ARNT2: variants seen among roughly 807,000 people sequenced by gnomAD.
ARNT2 encodes ARNT protein 2.
A neutral mutation model predicts 91.7 loss-of-function variants in ARNT2; 36 were observed. The ratio of observed to expected loss-of-function variants is 0.39; its 90% CI spans 0.30 to 0.52. The LOEUF is 0.52. Ranked by LOEUF, ARNT2 falls within the 20% of genes least tolerant of loss-of-function variation. The pLI is 0.72. For synonymous variants in ARNT2, 365 were observed against 347.1 expected, an observed-to-expected ratio of 1.05 and a Z score of -0.57; for missense variants, 775 against 939.3, an observed-to-expected ratio of 0.83 and a Z score of 2.29.
intron 8 of ARNT2, among the ~76,000 whole-genome samples, chr15:80,530,402 C>T (rs772558593): frequency 6.6e-6 from 1 of 152,136 alleles, no homozygotes; most frequent in African/African-American, 2.4e-5. Context: ...GATCTGCTCT[C>T]CCTCACAACA....
Position 80,593,602 on chromosome 15 carries a change from C to T in ARNT2, c.2058C>T (p.Asp686=), listed in dbSNP as rs1395730347. Residue 686 remains aspartate (D), a splice_region_variant and synonymous_variant, in exon 19 of 19, where the codon GAC becomes GAT. Transcript: ENST00000303329. ...CTCTCTTTTCCTCTCCTCTGCAGGA[C>T]ATGCTGCCCATGCCAGGAGATCCAA... The part of the protein sequence containing the change: ...QQPGQTEVFQ[D]MLPMPGDPTQ... 1 of 1,593,530 alleles carries T rather than the reference C, an allele frequency of 6.3e-7. No homozygotes were observed. Among genetic ancestry groups the T allele is most frequent in the Admixed American group, 1.7e-5 (1 of 58,090 alleles).
chr15:80,506,663 AAGG>A (rs1232997241), intron 5 of ARNT2, among the ~76,000 whole-genome samples: 1 of 152,182 alleles, frequency 6.6e-6, no homozygotes, highest in African/African-American at 2.4e-5. Context: ...CGGTCAAAGG[AAGG>A]AGGCTTTATC....
intron 1 of ARNT2, among the ~76,000 whole-genome samples, chr15:80,419,512 G>A (rs998678928): frequency 3.3e-5 from 5 of 152,194 alleles, no homozygotes; most frequent in African/African-American, 1.2e-4. Context: ...GATCTGGAGG[G>A]AGAAGGGAAG....
intron 1 of ARNT2, among the ~76,000 whole-genome samples, chr15:80,432,520 G>T (rs769723489): frequency 6.6e-6 from 1 of 152,180 alleles, no homozygotes; most frequent in Non-Finnish European, 1.5e-5. Context: ...CTCATTTATA[G>T]ACTGTGTCTA....
At chr15:80,534,756 G>A (rs1482869966) in intron 8 of ARNT2, among the ~76,000 whole-genome samples, 3 of 152,204 alleles carry the variant, frequency 2.0e-5, no homozygotes, top group African/African-American at 7.2e-5. Flanking sequence ...ATACTGCAGT[G>A]GACGTCCTCG....
At chr15:80,573,656 T>C (rs1453699826) in intron 12 of ARNT2, among the ~76,000 whole-genome samples, 1 of 152,250 alleles carries the variant, frequency 6.6e-6, no homozygotes, top group African/African-American at 2.4e-5. Flanking sequence ...TGTTCTGTCA[T>C]AGCCATTTGC....
chr15:80,474,491 T>G (rs1416357370), intron 4 of ARNT2, among the ~76,000 whole-genome samples: 2 of 152,226 alleles, frequency 1.3e-5, no homozygotes, highest in African/African-American at 4.8e-5. Flanking sequence ...CTCAGAAATA[T>G]GGAAAGAGAA....
At chr15:80,573,400 A>G (rs1341989944) in intron 12 of ARNT2, among the ~76,000 whole-genome samples, 1 of 152,008 alleles carries the variant, frequency 6.6e-6, no homozygotes, top group African/African-American at 2.4e-5. Flanking sequence ...GCTGGGAGTA[A>G]TGTCTGTTAG....
intron 12 of ARNT2, among the ~76,000 whole-genome samples, chr15:80,571,999 T>C (rs1253734870): frequency 1.3e-5 from 2 of 152,220 alleles, no homozygotes; most frequent in African/African-American, 4.8e-5. Flanking sequence ...TGTCCATTTA[T>C]GGCCACACCT....
chr15:80,521,180 A>C (rs1453546831), intron 8 of ARNT2, among the ~76,000 whole-genome samples: 2 of 152,200 alleles, frequency 1.3e-5, no homozygotes, highest in Non-Finnish European at 2.9e-5. Context: ...TTCTGTTTAG[A>C]AGTAACTCAA....
At chr15:80,456,725 A>C (rs1253662962) in intron 2 of ARNT2, among the ~76,000 whole-genome samples, 2 of 152,114 alleles carry the variant, frequency 1.3e-5, no homozygotes, top group African/African-American at 4.8e-5. Flanking sequence ...CAAGTCACTC[A>C]TTAGCCACTG....
intron 5 of ARNT2, among the ~76,000 whole-genome samples, chr15:80,493,053 G>A (rs766368523): frequency 6.6e-6 from 1 of 152,162 alleles, no homozygotes; most frequent in Admixed American, 6.5e-5. Context: ...CAAGACCATG[G>A]TTCTGACATC....
intron 12 of ARNT2, among the ~76,000 whole-genome samples, chr15:80,573,155 G>A (rs1898613659): frequency 6.6e-6 from 1 of 152,192 alleles, no homozygotes; most frequent in African/African-American, 2.4e-5. Flanking sequence ...TCAATGCAAA[G>A]CCACCATGTG....
chr15:80,586,254 T>A (rs922718356), intron 17 of ARNT2, among the ~76,000 whole-genome samples: 6 of 152,054 alleles, frequency 3.9e-5, no homozygotes, highest in African/African-American at 1.4e-4. Context: ...AGGATCTAAG[T>A]TACATTATTT....
intron 8 of ARNT2, among the ~76,000 whole-genome samples, chr15:80,540,969 T>G (rs1294086293): frequency 2.0e-5 from 3 of 152,224 alleles, no homozygotes; most frequent in Non-Finnish European, 2.9e-5. Flanking sequence ...CATGTCTTTT[T>G]GGTAGAACAA....
At chr15:80,434,908 T>TGGATACAACAG in intron 1 of ARNT2, among the ~76,000 whole-genome samples, 1 of 151,328 alleles carries the variant, frequency 6.6e-6, no homozygotes. Context: ...GCAGGGTGGG[T>TGGATACAACAG]GGGAGATGGA....
intron 5 of ARNT2, among the ~76,000 whole-genome samples, chr15:80,498,866 G>A (rs573626121): frequency 4.2e-4 from 64 of 152,294 alleles, no homozygotes; most frequent in South Asian, 2.7e-3. Context: ...GGTGGGTGCC[G>A]TCTTATTTTC....
intron 5 of ARNT2, among the ~76,000 whole-genome samples, chr15:80,493,356 G>A (rs573612765): frequency 6.6e-6 from 1 of 151,800 alleles, no homozygotes; most frequent in Non-Finnish European, 1.5e-5. Context: ...AGTGGCGGGG[G>A]GTGGGGGTGG....
At chr15:80,434,541 G>T (rs1896057414) in intron 1 of ARNT2, 1 of 152,450 alleles carries the variant, frequency 6.6e-6, no homozygotes, top group South Asian at 2.1e-4. Flanking sequence ...GCATTTGTGT[G>T]AAGGTGTGAG....
Sources: allele counts gnomAD v4.1 joint callset (sites outside exome capture counted in the v4.1 genomes callset), GRCh38; gene constraint gnomAD v4.1.1; transcripts MANE v1.5; gene names NCBI Gene and HGNC (gene_info 2026-07-23, HGNC 2026-07-21).